The following TSR1 variants were observed in gnomAD, a reference collection of about 807,000 sequenced individuals.
The protein encoded by TSR1 is pre-rRNA-processing protein TSR1 homolog.
In TSR1, 81 loss-of-function variants were observed where a neutral mutation model predicts 90.9. The observed-to-expected ratio is 0.89, with a 90% confidence interval of 0.74 to 1.07. The LOEUF is 1.07. Among genes scored for constraint, TSR1 ranks in the 50% least tolerant of loss-of-function variants. The pLI, the probability that TSR1 is intolerant of heterozygous loss-of-function variation, is 0.00. For missense variants in TSR1, 989 were observed against 987.3 expected, an observed-to-expected ratio of 1.00 and a Z score of -0.02; for synonymous variants, 362 against 348.8, an observed-to-expected ratio of 1.04 and a Z score of -0.42.
chr17:2,326,066 G>A (rs1025221098), intron 11 of TSR1, among the ~76,000 whole-genome samples: 1 of 152,128 alleles, frequency 6.6e-6, no homozygotes, highest in Non-Finnish European at 1.5e-5. Flanking sequence ...AGCTGGAATT[G>A]CAGGTGCCTG....
intron 8 of TSR1, among the ~76,000 whole-genome samples, chr17:2,331,663 C>T (rs532145674): frequency 2.6e-5 from 4 of 152,208 alleles, no homozygotes; most frequent in Admixed American, 6.5e-5. Context: ...GTCTGCAGGA[C>T]CATGACCCAA....
Position 2,323,014 on chromosome 17 carries a change from C to G in TSR1, c.*1182G>C. 1.0e-6 allele frequency: 1 copy of G among 996,376 alleles called. No individual in the cohort carries two copies. The highest frequency in any genetic ancestry group is 1.5e-5 in the South Asian group (1 of 65,512). 61.7% of individuals were successfully genotyped at this position (996,376 alleles called of 1,614,324 possible). ...TCCTGACCTCAGCTGATCCACCCGC[C>G]TCGGGCTCCCAAAGTGTTGGGATTA... On this transcript the variant is annotated 3_prime_UTR_variant, in exon 15 of 15. Transcript: ENST00000301364.
In TSR1 at chr17:2,323,211, G is replaced by A. The variant is rs1316440080; in HGVS notation, c.*985C>T. 1.2e-6 allele frequency: 2 copies of A among 1,614,090 alleles called. No individual in the cohort carries two copies. The highest frequency in any genetic ancestry group is 4.5e-5 in the East Asian group (2 of 44,898). On this transcript the variant is annotated 3_prime_UTR_variant, in exon 15 of 15. Coordinates refer to ENST00000301364, the MANE Select transcript of TSR1 (RefSeq NM_018128.5). ...TGACTGCTACCAGTCCAAGCTGAAG[G>A]GGAAACTGATGCCCAATCTTTATCC...
At chr17:2,334,961 T>C (rs2064041039) in intron 4 of TSR1, 65 bp from the exon 5 acceptor site, 1 of 1,519,342 alleles carries the variant, frequency 6.6e-7, no homozygotes. Context: ...CCTCTGCAGT[T>C]CACAAACAAC....
At position 2,335,550 on chromosome 17, in the gene TSR1, G is replaced by T; in HGVS notation, c.382C>A (p.Arg128Ser). 6.2e-7 allele frequency: 1 copy of T among 1,614,056 alleles called. No homozygotes were observed. Among genetic ancestry groups the T allele is most frequent in the South Asian group, 1.1e-5 (1 of 91,080 alleles). Residue 128 changes from arginine to serine, a missense_variant, in exon 3 of 15, where the codon CGC (arginine) becomes AGC (serine). Coordinates refer to ENST00000301364, the MANE Select transcript of TSR1 (RefSeq NM_018128.5). ...GTGAAAAACCACCGATGTTTCAAGC[G>T]GGGGCACAGCAGCATAAAGTTCTGG... ...NTQNFMLLCP[R>S]LKHRWFFTSA...
At position 2,334,885 on chromosome 17, in the gene TSR1, G is replaced by A. The variant is rs763189487; in HGVS notation, c.568C>T (p.Gln190Ter). 35 of 1,611,032 alleles carry A rather than the reference G, an allele frequency of 2.2e-5. No homozygotes were observed. The highest frequency in any genetic ancestry group is 2.9e-5 in the Non-Finnish European group (34 of 1,178,926). Reference sequence around the variant, plus strand: ...TTCAGTGGGAGGCCAGAAATCCCCTGGACAGCTAGTGCTGTAAGCGAAAGA... The same window carrying A: ...TTCAGTGGGAGGCCAGAAATCCCCTAGACAGCTAGTGCTGTAAGCGAAAGA... ...QGLPTYTLAV[Q>*]GISGLPLKKQ... Residue 190 changes from glutamine to a stop codon, truncating the protein, a stop_gained, in exon 5 of 15, where the codon CAG (glutamine) becomes TAG (stop). Transcript: ENST00000301364. LOFTEE classifies it high-confidence loss of function.
At chr17:2,333,464 C>G (rs1284157303) in intron 6 of TSR1, 93 bp downstream of exon 6, 9 of 1,497,458 alleles carry the variant, frequency 6.0e-6, no homozygotes, top group Non-Finnish European at 8.3e-6. Flanking sequence ...TACCCCCACC[C>G]CACTCTATCC....
intron 8 of TSR1, among the ~76,000 whole-genome samples, chr17:2,331,673 A>G (rs984822705): frequency 6.6e-6 from 1 of 152,142 alleles, no homozygotes; most frequent in Admixed American, 6.6e-5. Flanking sequence ...CCATGACCCA[A>G]TTAAATCTCT....
intron 2 of TSR1, 44 bp from the exon 3 acceptor site, chr17:2,335,774 C>T (rs2064061694): frequency 6.3e-7 from 1 of 1,581,930 alleles, no homozygotes; most frequent in African/African-American, 1.3e-5. Context: ...TGTCTCAGTA[C>T]TTCACTCCAG....
rs2064035792 is a variant in TSR1, at chr17:2,334,719, G to A, written c.734C>T (p.Ala245Val). The change falls in exon 5 of 15, where the codon GCT becomes GTT. Residue 245 changes from alanine (A) to valine (V), a missense_variant. Physicochemically the swap from Ala to Val is moderately conservative, Grantham distance 64. Transcript: ENST00000301364. ...QLANQKQQHL[A>V]FRDRRAYLFA... ...TAGGTAGGCCCGCCGATCTCGAAAA[G>A]CAAGATGCTGTTGCTTCTGGTTAGC... The A allele has an allele frequency of 1.2e-6, 2 of 1,614,028 alleles. No individual in the cohort carries two copies. Among genetic ancestry groups the A allele is most frequent in the Non-Finnish European group, 1.7e-6 (2 of 1,180,050 alleles).
chr17:2,335,667 G>A lies in TSR1; in HGVS notation c.265C>T (p.Pro89Ser), dbSNP rs1567786678. 2 of 1,614,096 alleles carry A rather than the reference G, an allele frequency of 1.2e-6. No homozygotes were observed. The highest frequency in any genetic ancestry group is 1.7e-5 in the Admixed American group (1 of 60,028). ...DGPPHQVLVV[P>S]LHSRISLPEA... is the part of the protein sequence containing the mutation. ...GGCAGGGAAATTCTGCTGTGCAGGG[G>A]CACCACCAGTACCTGATGAGGAGGG... Residue 89 changes from proline to serine, a missense_variant, in exon 3 of 15, where the codon CCC becomes TCC. Transcript: ENST00000301364.
Position 2,333,641 on chromosome 17 carries a change from C to G in TSR1, c.1057G>C (p.Glu353Gln). ...GGGATAACCTCTGCTTGCAAGGATT[C>G]CTGTCTACCAGGGTCTGCCTTCATT... The part of the protein sequence containing the change: ...VLMKADPGRQ[E>Q]SLQAEVIPDP... Residue 353 changes from glutamate to glutamine, a missense_variant, in exon 6 of 15, where the codon GAA (glutamate) becomes CAA (glutamine). Glu to Gln is a conservative substitution (Grantham distance 29). Coordinates refer to ENST00000301364, the MANE Select transcript of TSR1 (RefSeq NM_018128.5). 3 of 1,614,124 alleles carry G rather than the reference C, an allele frequency of 1.9e-6. No homozygotes were observed. Among genetic ancestry groups the G allele is most frequent in the East Asian group, 4.5e-5 (2 of 44,880 alleles).
intron 6 of TSR1, 138 bp downstream of exon 6, chr17:2,333,419 T>C: frequency 9.6e-7 from 1 of 1,040,064 alleles, no homozygotes; most frequent in Admixed American, 2.0e-5. Flanking sequence ...ATTGAAAACA[T>C]ACAGCATTTG....
intron 1 of TSR1, 61 bp downstream of exon 1, chr17:2,336,270 A>C (rs1365500658): frequency 2.5e-6 from 4 of 1,608,362 alleles, no homozygotes; most frequent in Non-Finnish European, 3.4e-6. Context: ...CAGTCTGGGC[A>C]TGAGGAAAAA....
At position 2,323,850 on chromosome 17, in the gene TSR1, T is replaced by G. The variant is rs1169600822; in HGVS notation, c.*346A>C. ...GGTGAAGCAGGCTGAAAGGCCAGCT[T>G]CTTATCAGTCTGTTTCTGTTTAATT... is the stretch of plus-strand genomic sequence containing the variant. On this transcript the variant is annotated 3_prime_UTR_variant, in exon 15 of 15. Coordinates refer to ENST00000301364, the MANE Select transcript of TSR1 (RefSeq NM_018128.5). 5.6e-6 allele frequency: 9 copies of G among 1,614,148 alleles called. No homozygotes were observed. Among genetic ancestry groups the G allele is most frequent in the Non-Finnish European group, 6.8e-6 (8 of 1,180,020 alleles).
chr17:2,327,190 G>A (rs1056112835), intron 11 of TSR1, among the ~76,000 whole-genome samples: 3 of 151,990 alleles, frequency 2.0e-5, no homozygotes, highest in African/African-American at 7.3e-5. Context: ...GCCAAGGCAC[G>A]TGGATCACCT....
At chr17:2,326,163 T>A (rs1454588282) in intron 11 of TSR1, among the ~76,000 whole-genome samples, 1 of 152,120 alleles carries the variant, frequency 6.6e-6, no homozygotes, top group Non-Finnish European at 1.5e-5. Flanking sequence ...CACCTCCTTT[T>A]TAAAATACTA....
Position 2,335,247 on chromosome 17 carries a change from C to T in TSR1, c.556+13G>A. ...ACAAATTAAAGGTGCACAATAAATGCTAACTCACTTACTATAGGTCGGAAG... is the reference window on the plus strand; with the variant it reads ...ACAAATTAAAGGTGCACAATAAATGTTAACTCACTTACTATAGGTCGGAAG... On this transcript the variant is annotated intron_variant, in intron 4 of 14. Coordinates refer to ENST00000301364, the MANE Select transcript of TSR1 (RefSeq NM_018128.5). The T allele has an allele frequency of 6.2e-7, 1 of 1,612,474 alleles. No individual in the cohort carries two copies. Among genetic ancestry groups the T allele is most frequent in the South Asian group, 1.1e-5 (1 of 90,780 alleles).
intron 5 of TSR1, among the ~76,000 whole-genome samples, chr17:2,334,202 A>G (rs1031607833): frequency 2.0e-5 from 3 of 152,170 alleles, no homozygotes; most frequent in African/African-American, 4.8e-5. Context: ...TATTTCACAC[A>G]TGCCATTTTG....
Sources: allele counts gnomAD v4.1 joint callset (sites outside exome capture counted in the v4.1 genomes callset), GRCh38; gene constraint gnomAD v4.1.1; transcripts MANE v1.5; gene names NCBI Gene and HGNC (gene_info 2026-07-23, HGNC 2026-07-21).